THSD4: variants seen among roughly 807,000 people sequenced by gnomAD.
THSD4 encodes the protein thrombospondin type-1 domain-containing protein 4.
A neutral mutation model predicts 119.0 loss-of-function variants in THSD4; 69 were observed. The ratio of observed to expected loss-of-function variants is 0.58; its 90% CI spans 0.48 to 0.71. The LOEUF (loss-of-function observed/expected upper bound fraction) is 0.71. THSD4 is among the 30% of genes least tolerant of loss of function. THSD4 has a pLI of 0.00. For missense variants in THSD4, 1,393 were observed against 1,391.1 expected (o/e 1.00, Z -0.02); for synonymous variants, 524 against 540.4 (o/e 0.97, Z 0.42).
chr15:71,524,220 C>T (rs1239036348), intron 7 of THSD4, among the ~76,000 whole-genome samples: 3 of 152,202 alleles, frequency 2.0e-5, no homozygotes, highest in Non-Finnish European at 4.4e-5. Context: ...TTCCAAGACC[C>T]CTGCCAGCCT....
At chr15:71,121,347 T>G (rs2141353231) in intron 1 of THSD4, among the ~76,000 whole-genome samples, 1 of 152,046 alleles carries the variant, frequency 6.6e-6, no homozygotes, top group African/African-American at 2.4e-5. Context: ...AAGTGCCACT[T>G]GAATGTTAGC....
At chr15:71,721,655 G>C (rs1567118487) in intron 8 of THSD4, among the ~76,000 whole-genome samples, 1 of 138,928 alleles carries the variant, frequency 7.2e-6, no homozygotes, top group South Asian at 2.7e-4. Context: ...GAGTAACAGA[G>C]TGAGACCCTG....
At chr15:71,615,460 C>T (rs2050304481) in intron 7 of THSD4, among the ~76,000 whole-genome samples, 1 of 151,966 alleles carries the variant, frequency 6.6e-6, no homozygotes, top group South Asian at 2.1e-4. Context: ...GGGAAATATG[C>T]ATTTATAAAT....
At position 71,502,831 on chromosome 15, in the gene THSD4, G is replaced by A. The variant is rs114045658; in HGVS notation, c.1152+91008G>A. On this transcript the variant is annotated intron_variant, in intron 7 of 17. Transcript: ENST00000261862. ...AGAGAGAAATCATTTTATAAATGAGGTCTTTCTGACAAATGGCCAAAATAA... is the reference window on the plus strand; with the variant it reads ...AGAGAGAAATCATTTTATAAATGAGATCTTTCTGACAAATGGCCAAAATAA... Among the ~76,000 whole-genome samples, 1,225 of 152,288 alleles carry A rather than the reference G, an allele frequency of 8.0e-3. 21 individuals are homozygous for A. Among genetic ancestry groups the A allele is most frequent in the African/African-American group, 0.028 (1,162 of 41,562 alleles).
intron 3 of THSD4, among the ~76,000 whole-genome samples, chr15:71,213,446 C>T (rs2043903816): frequency 6.6e-6 from 1 of 152,210 alleles, no homozygotes; most frequent in Non-Finnish European, 1.5e-5. Flanking sequence ...TTCTCCCCGC[C>T]TTCACCCTGC....
intron 6 of THSD4, among the ~76,000 whole-genome samples, chr15:71,370,645 G>A (rs1596374936): frequency 6.6e-6 from 1 of 152,214 alleles, no homozygotes; most frequent in African/African-American, 2.4e-5. Context: ...TGGTCTGACA[G>A]ACAGTTTGTT....
chr15:71,485,842 CTT>C (rs2047807926), intron 7 of THSD4, among the ~76,000 whole-genome samples: 2 of 152,142 alleles, frequency 1.3e-5, no homozygotes, highest in Non-Finnish European at 2.9e-5. Flanking sequence ...TGTGGTCATA[CTT>C]AGTTATTACT....
intron 8 of THSD4, among the ~76,000 whole-genome samples, chr15:71,688,238 C>T (rs555277205): frequency 4.8e-4 from 73 of 152,332 alleles, no homozygotes; most frequent in Middle Eastern, 3.4e-3. Context: ...GAGCCCCATC[C>T]AGAATTCTTC....
chr15:71,111,700 G>A, upstream of THSD4: 1 of 536,016 alleles, frequency 1.9e-6, no homozygotes, highest in Non-Finnish European at 3.3e-6. Context: ...CTTGAAATTA[G>A]GGGTTTGAAT....
chr15:71,438,014 G>T (rs1220797990), intron 7 of THSD4, among the ~76,000 whole-genome samples: 1 of 152,226 alleles, frequency 6.6e-6, no homozygotes, highest in African/African-American at 2.4e-5. Context: ...AGTGAGTGCA[G>T]TGCCTTGGGT....
intron 7 of THSD4, among the ~76,000 whole-genome samples, chr15:71,582,893 T>G (rs2049587486): frequency 6.6e-6 from 1 of 152,158 alleles, no homozygotes; most frequent in Admixed American, 6.5e-5. Flanking sequence ...AGTATTTTGT[T>G]GAGGATTTTT....
At chr15:71,467,413 G>A (rs1240436881) in intron 7 of THSD4, among the ~76,000 whole-genome samples, 1 of 152,184 alleles carries the variant, frequency 6.6e-6, no homozygotes, top group Non-Finnish European at 1.5e-5. Flanking sequence ...TTTATGCCAG[G>A]TTTGATGAAG....
intron 6 of THSD4, among the ~76,000 whole-genome samples, chr15:71,270,372 T>C (rs987100831): frequency 1.6e-4 from 24 of 152,186 alleles, no homozygotes; most frequent in Admixed American, 2.6e-4. Flanking sequence ...ATTTAATAAA[T>C]GGTGTTGAGA....
chr15:71,377,895 C>CACACACACACACAA (rs1207872970), intron 6 of THSD4, among the ~76,000 whole-genome samples: 1 of 86,144 alleles, frequency 1.2e-5, no homozygotes, highest in Non-Finnish European at 2.4e-5. Flanking sequence ...CACACACACA[C>CACACACACACACAA]ACACACACAC....
intron 7 of THSD4, among the ~76,000 whole-genome samples, chr15:71,558,400 A>T (rs564651898): frequency 5.7e-4 from 87 of 152,342 alleles, no homozygotes; most frequent in South Asian, 4.8e-3. Context: ...TGTATTAAAG[A>T]TGGCAATTTT....
At chr15:71,546,974 G>A (rs985567340) in intron 7 of THSD4, among the ~76,000 whole-genome samples, 1 of 152,188 alleles carries the variant, frequency 6.6e-6, no homozygotes, top group Non-Finnish European at 1.5e-5. Flanking sequence ...CCCGTTCCCA[G>A]CCCGGAGCTC....
chr15:71,741,684 TACACACAC>T (rs56080459), intron 11 of THSD4, among the ~76,000 whole-genome samples: 23,638 of 145,624 alleles, frequency 0.16, 2,118 homozygotes, highest in East Asian at 0.38. Flanking sequence ...TGTGTGCATG[TACACACAC>T]ACACACACAC....
At position 71,315,320 on chromosome 15, in the gene THSD4, A is replaced by G. The variant is rs545429188; in HGVS notation, c.1015+58605A>G. Among the ~76,000 whole-genome samples the G allele has an allele frequency of 6.6e-5, 10 of 152,360 alleles. No homozygotes were observed. In the South Asian group the frequency reaches 2.1e-3, roughly 32 times the overall value. ...TGTATCCTTCTTGCCCAAAACCTGG[A>G]CTTTTAATTGTCCACAGACCCCCTT... On this transcript the variant is annotated intron_variant, in intron 6 of 17. Transcript: ENST00000261862.
intron 6 of THSD4, among the ~76,000 whole-genome samples, chr15:71,360,127 T>C (rs959577901): frequency 7.2e-5 from 11 of 152,294 alleles, no homozygotes; most frequent in Admixed American, 6.5e-4. Context: ...GGCTCACTTA[T>C]CTGGCACGTG....
Sources: gnomAD v4.1 joint callset for allele counts (sites outside exome capture counted in the v4.1 genomes callset) on GRCh38, gnomAD v4.1.1 for gene constraint, MANE v1.5 for transcripts, NCBI Gene and HGNC (gene_info 2026-07-23, HGNC 2026-07-21) for gene names.